NCAM2: variants seen among roughly 807,000 people sequenced by gnomAD.
The protein encoded by NCAM2 is neural cell adhesion molecule 2.
In NCAM2, 30 loss-of-function variants were observed where a neutral mutation model predicts 98.1. The ratio of observed to expected loss-of-function variants is 0.31; its 90% CI spans 0.23 to 0.41. The LOEUF (loss-of-function observed/expected upper bound fraction) is 0.41. Ranked by LOEUF, NCAM2 falls within the 10% of genes least tolerant of loss-of-function variation. The pLI is 1.00. For synonymous variants in NCAM2, 368 were observed against 342.4 expected, an observed-to-expected ratio of 1.07 and a Z score of -0.83; for missense variants, 867 against 1,005.8, an observed-to-expected ratio of 0.86 and a Z score of 1.87.
intron 5 of NCAM2, among the ~76,000 whole-genome samples, chr21:21,309,421 C>T (rs1337535388): frequency 6.6e-6 from 1 of 152,170 alleles, no homozygotes; most frequent in African/African-American, 2.4e-5. Context: ...TTGCCCCACC[C>T]ATGAGATAAG....
chr21:21,411,524 C>G (rs1272848869), intron 10 of NCAM2, among the ~76,000 whole-genome samples: 2 of 151,576 alleles, frequency 1.3e-5, no homozygotes, highest in Non-Finnish European at 2.9e-5. Context: ...GAATAAAGTG[C>G]CTCTTATTTA....
intron 1 of NCAM2, among the ~76,000 whole-genome samples, chr21:21,152,739 G>A (rs1246353963): frequency 4.6e-5 from 7 of 151,870 alleles, no homozygotes; most frequent in Admixed American, 1.3e-4. Flanking sequence ...AGCAACCTGA[G>A]TTCTGGTAGC....
intron 16 of NCAM2, among the ~76,000 whole-genome samples, chr21:21,532,532 G>T (rs891030920): frequency 6.6e-6 from 1 of 151,936 alleles, no homozygotes; most frequent in Non-Finnish European, 1.5e-5. Flanking sequence ...ATATTTGTTT[G>T]CATATTAATT....
intron 1 of NCAM2, among the ~76,000 whole-genome samples, chr21:21,010,131 T>C (rs1353946386): frequency 1.3e-5 from 2 of 152,078 alleles, no homozygotes; most frequent in Non-Finnish European, 2.9e-5. Context: ...GTGCTTCTGA[T>C]TTATCTATTT....
intron 1 of NCAM2, among the ~76,000 whole-genome samples, chr21:21,136,583 T>C (rs1202736449): frequency 1.3e-5 from 2 of 151,680 alleles, no homozygotes; most frequent in Non-Finnish European, 2.9e-5. Context: ...TGCCTTAGCC[T>C]CTGGAGTAGC....
At chr21:21,310,978 C>G (rs1007528949) in intron 5 of NCAM2, among the ~76,000 whole-genome samples, 1 of 152,138 alleles carries the variant, frequency 6.6e-6, no homozygotes, top group African/African-American at 2.4e-5. Context: ...ATATTTCTTT[C>G]AAAATATCAC....
intron 1 of NCAM2, among the ~76,000 whole-genome samples, chr21:21,066,604 G>A (rs1478325816): frequency 1.3e-5 from 2 of 152,056 alleles, no homozygotes; most frequent in East Asian, 3.8e-4. Flanking sequence ...TTCAATATAA[G>A]TATAAAGTAA....
intron 10 of NCAM2, among the ~76,000 whole-genome samples, chr21:21,412,318 G>A (rs914227318): frequency 2.6e-5 from 4 of 152,088 alleles, no homozygotes; most frequent in Non-Finnish European, 5.9e-5. Context: ...TTATTACCTC[G>A]TTTAACCTTA....
At chr21:21,060,727 C>T (rs532077887) in intron 1 of NCAM2, among the ~76,000 whole-genome samples, 12 of 152,162 alleles carry the variant, frequency 7.9e-5, no homozygotes, top group Admixed American at 2.0e-4. Flanking sequence ...TTTACCCACA[C>T]ATATAGTTTT....
At chr21:21,464,613 T>G (rs1602418903) in intron 12 of NCAM2, among the ~76,000 whole-genome samples, 1 of 152,190 alleles carries the variant, frequency 6.6e-6, no homozygotes, top group Non-Finnish European at 1.5e-5. Context: ...CAAAACAAAT[T>G]CATGTTATGC....
chr21:21,160,404 T>G (rs1456291284), intron 1 of NCAM2, among the ~76,000 whole-genome samples: 1 of 152,014 alleles, frequency 6.6e-6, no homozygotes, highest in Non-Finnish European at 1.5e-5. Flanking sequence ...CAATTAGATT[T>G]CTAGTGAGTA....
chr21:21,144,264 G>T (rs114968314), intron 1 of NCAM2, among the ~76,000 whole-genome samples: 3,473 of 151,752 alleles, frequency 0.023, 126 homozygotes, highest in African/African-American at 0.079. Context: ...CCAGAAAATT[G>T]CTTGAACCCA....
intron 1 of NCAM2, among the ~76,000 whole-genome samples, chr21:21,218,261 A>C (rs951929412): frequency 1.3e-5 from 2 of 152,144 alleles, no homozygotes; most frequent in African/African-American, 2.4e-5. Context: ...CAGTAAAGTT[A>C]AGTTACCAGA....
chr21:21,150,952 CT>C (rs527415813), intron 1 of NCAM2, among the ~76,000 whole-genome samples: 13 of 144,370 alleles, frequency 9.0e-5, no homozygotes, highest in South Asian at 7.0e-4. Context: ...TCTTGGCTAA[CT>C]TTTTTTTGTG....
intron 1 of NCAM2, among the ~76,000 whole-genome samples, chr21:21,091,300 A>G (rs2066007475): frequency 6.6e-6 from 1 of 152,116 alleles, no homozygotes; most frequent in Non-Finnish European, 1.5e-5. Flanking sequence ...TATTTTATGC[A>G]TTAGATACAC....
chr21:21,150,670 C>A (rs1601505676), intron 1 of NCAM2, among the ~76,000 whole-genome samples: 1 of 151,930 alleles, frequency 6.6e-6, no homozygotes, highest in African/African-American at 2.4e-5. Context: ...AATCCAGCTT[C>A]ATCATGATAT....
At chr21:21,367,245 T>A (rs958597241) in intron 8 of NCAM2, among the ~76,000 whole-genome samples, 4 of 152,010 alleles carry the variant, frequency 2.6e-5, no homozygotes, top group African/African-American at 9.7e-5. Context: ...GTGATTTTTT[T>A]TATAGATTTA....
intron 1 of NCAM2, among the ~76,000 whole-genome samples, chr21:21,179,739 T>C (rs1301861895): frequency 1.3e-5 from 2 of 152,188 alleles, no homozygotes; most frequent in Non-Finnish European, 2.9e-5. Context: ...AGGTCAGTTT[T>C]TGCAAGTGCA....
intron 1 of NCAM2, among the ~76,000 whole-genome samples, chr21:21,045,531 C>T (rs1055824358): frequency 2.0e-5 from 3 of 152,082 alleles, no homozygotes; most frequent in Admixed American, 2.0e-4. Context: ...CACCTGTCGT[C>T]TCACCTACTC....
Sources: gnomAD v4.1 joint callset for allele counts (sites outside exome capture counted in the v4.1 genomes callset) on GRCh38, gnomAD v4.1.1 for gene constraint, MANE v1.5 for transcripts, NCBI Gene and HGNC (gene_info 2026-07-23, HGNC 2026-07-21) for gene names.